The following ICAM1 variants were observed in gnomAD, a reference collection of about 807,000 sequenced individuals.
ICAM1 encodes ICAM-1.
In ICAM1, 28 loss-of-function variants were observed where a neutral mutation model predicts 42.3. The observed-to-expected ratio is 0.66, with a 90% CI of 0.49 to 0.91. ICAM1 has a LOEUF of 0.91. Among genes scored for constraint, ICAM1 ranks in the 40% least tolerant of loss-of-function variants. The pLI is 0.00. For synonymous variants in ICAM1, 304 were observed against 305.9 expected, an observed-to-expected ratio of 0.99 and a Z score of 0.07; for missense variants, 637 against 688.6, an observed-to-expected ratio of 0.93 and a Z score of 0.84.
At position 10,275,021 on chromosome 19, in the gene ICAM1, C is replaced by A. The variant is rs749879920; in HGVS notation, c.324C>A (p.Thr108=). The A allele has an allele frequency of 3.1e-6, 5 of 1,613,514 alleles. No homozygotes were observed. The highest frequency in any genetic ancestry group is 4.2e-6 in the Non-Finnish European group (5 of 1,179,994). ...AGTCAACAGCTAAAACCTTCCTCACCGTGTACTGTGAGTAACTGAGCCCGG... is the reference window on the plus strand; with the variant it reads ...AGTCAACAGCTAAAACCTTCCTCACAGTGTACTGTGAGTAACTGAGCCCGG... The part of the protein sequence containing the change: ...DGQSTAKTFL[T]VYWTPERVEL... The change falls in exon 2 of 7, where the codon ACC becomes ACA. Residue 108 remains threonine, a synonymous_variant. Transcript: ENST00000264832.
chr19:10,278,283 CTGCATTTACTT>C (rs1318593945), intron 2 of ICAM1, among the ~76,000 whole-genome samples: 1 of 152,182 alleles, frequency 6.6e-6, no homozygotes, highest in African/African-American at 2.4e-5. Flanking sequence ...GACATGACTT[CTGCATTTACTT>C]TGCAATCAGG....
At position 10,283,746 on chromosome 19, in the gene ICAM1, G is replaced by A. The variant is rs772198909; in HGVS notation, c.597G>A (p.Leu199=). The A allele has an allele frequency of 6.8e-6, 11 of 1,612,358 alleles. No individual in the cohort carries two copies. Among genetic ancestry groups the A allele is most frequent in the African/African-American group, 1.3e-5 (1 of 74,876 alleles). The stretch of plus-strand genomic sequence containing the variant: ...ACCTGCGGCCCCAAGGGCTGGAGCT[G>A]TTTGAGAACACCTCGGCCCCCTACC... ...ELDLRPQGLE[L]FENTSAPYQL... The change falls in exon 3 of 7, where the codon CTG becomes CTA. Residue 199 remains leucine, a synonymous_variant. Coordinates refer to ENST00000264832, the MANE Select transcript of ICAM1 (RefSeq NM_000201.3).
At chr19:10,283,369 C>T (rs564338840) in intron 2 of ICAM1, 112 bp from the exon 3 acceptor site, 63 of 1,015,376 alleles carry the variant, frequency 6.2e-5, no homozygotes, top group South Asian at 5.2e-4. Context: ...GGTGTCTGGG[C>T]GTGTTTGGGG....
At chr19:10,283,935 C>T in intron 3 of ICAM1, 98 bp from the exon 4 acceptor site, 1 of 1,479,530 alleles carries the variant, frequency 6.8e-7, no homozygotes, top group African/African-American at 1.4e-5. Flanking sequence ...TGCTGAGTGG[C>T]CCTGGAAGAG....
At chr19:10,273,941 G>A (rs549206286) in intron 1 of ICAM1, among the ~76,000 whole-genome samples, 77 of 151,996 alleles carry the variant, frequency 5.1e-4, no homozygotes, top group Non-Finnish European at 8.2e-4. Flanking sequence ...TTGAACCCGG[G>A]AGGCAAAGGT....
chr19:10,283,997 C>A, intron 3 of ICAM1, 36 bp from the exon 4 acceptor site: 1 of 1,592,084 alleles, frequency 6.3e-7, no homozygotes, highest in South Asian at 1.1e-5. Flanking sequence ...TCGGGACGTC[C>A]ATCCCTGTCT....
rs142396903 is a variant in ICAM1 at position 10,285,975 on chromosome 19, T to C, written c.*688T>C. On this transcript the variant is annotated 3_prime_UTR_variant, in exon 7 of 7. Coordinates refer to ENST00000264832, the MANE Select transcript of ICAM1 (RefSeq NM_000201.3). Reference sequence around the variant, plus strand: ...GATCAAATGGGGCTGGGACTTCTCATTGGCCAACCTGCCTTTCCCCAGAAG... The same window carrying C: ...GATCAAATGGGGCTGGGACTTCTCACTGGCCAACCTGCCTTTCCCCAGAAG... 1,117 of 152,582 alleles carry C rather than the reference T, an allele frequency of 7.3e-3. 6 individuals carry two copies. Among genetic ancestry groups the C allele is most frequent in the Non-Finnish European group, 0.01 (709 of 68,146 alleles). 9.5% of individuals were successfully genotyped at this position (152,582 alleles called of 1,614,324 possible). A position where few individuals can be genotyped will look rare whatever the true frequency, so the allele number is the denominator to read the frequency against.
intron 2 of ICAM1, among the ~76,000 whole-genome samples, chr19:10,281,445 A>G (rs547047431): frequency 2.2e-4 from 33 of 152,178 alleles, no homozygotes; most frequent in African/African-American, 7.7e-4. Context: ...GATACGATTT[A>G]GAATACCATA....
chr19:10,281,134 A>C (rs2040054625), intron 2 of ICAM1, among the ~76,000 whole-genome samples: 1 of 151,678 alleles, frequency 6.6e-6, no homozygotes, highest in South Asian at 2.1e-4. Context: ...TGGCCTCCCA[A>C]AGTGCTGGGA....
chr19:10,279,666 G>A (rs899212855), intron 2 of ICAM1, among the ~76,000 whole-genome samples: 5 of 151,864 alleles, frequency 3.3e-5, no homozygotes, highest in African/African-American at 7.3e-5. Flanking sequence ...TGTATTTTTA[G>A]TAGAGATAGG....
chr19:10,275,317 C>G (rs1477829786), intron 2 of ICAM1, among the ~76,000 whole-genome samples: 3 of 152,044 alleles, frequency 2.0e-5, no homozygotes, highest in Non-Finnish European at 4.4e-5. Context: ...GCCAACATGG[C>G]GAAACCCTGT....
chr19:10,275,881 T>C (rs2040012843), intron 2 of ICAM1, among the ~76,000 whole-genome samples: 1 of 151,598 alleles, frequency 6.6e-6, no homozygotes, highest in African/African-American at 2.4e-5. Flanking sequence ...CTCATTTTTT[T>C]GTATTTTTAG....
chr19:10,275,323 C>G (rs2040008917), intron 2 of ICAM1, among the ~76,000 whole-genome samples: 2 of 152,078 alleles, frequency 1.3e-5, no homozygotes, highest in East Asian at 1.9e-4. Context: ...ATGGCGAAAC[C>G]CTGTCTCTGC....
chr19:10,283,733 A>G lies in ICAM1; in HGVS notation c.584A>G (p.Gln195Arg). 1 of 1,613,456 alleles carries G rather than the reference A, an allele frequency of 6.2e-7. No homozygotes were observed. The highest frequency in any genetic ancestry group is 8.5e-7 in the Non-Finnish European group (1 of 1,179,748). Residue 195 changes from glutamine (Q) to arginine (R), a missense_variant, in exon 3 of 7, where the codon CAA becomes CGA. Gln to Arg is a conservative substitution (Grantham distance 43). Coordinates refer to ENST00000264832, the MANE Select transcript of ICAM1 (RefSeq NM_000201.3). ...CGCACTGAACTGGACCTGCGGCCCC[A>G]AGGGCTGGAGCTGTTTGAGAACACC... The part of the protein sequence containing the change: ...SCRTELDLRP[Q>R]GLELFENTSA...
chr19:10,280,235 G>T (rs2145495171), intron 2 of ICAM1, among the ~76,000 whole-genome samples: 1 of 152,348 alleles, frequency 6.6e-6, no homozygotes, highest in East Asian at 1.9e-4. Context: ...TCCTCTAGGG[G>T]CTGAGGTTTG....
chr19:10,273,219 G>C (rs186877564), intron 1 of ICAM1, among the ~76,000 whole-genome samples: 1 of 152,054 alleles, frequency 6.6e-6, no homozygotes, highest in Admixed American at 6.6e-5. Flanking sequence ...AGGGCCAGGC[G>C]CGGTGGCTCA....
At chr19:10,272,278 C>G (rs1430046348) in intron 1 of ICAM1, among the ~76,000 whole-genome samples, 1 of 152,170 alleles carries the variant, frequency 6.6e-6, no homozygotes, top group Non-Finnish European at 1.5e-5. Context: ...TAGCGAGATT[C>G]TGTCTCAAAA....
In ICAM1 at chr19:10,276,272, G is replaced by A. The variant is rs373859340; in HGVS notation, c.331+1244G>A. Among the ~76,000 whole-genome samples the A allele has an allele frequency of 7.3e-5, 11 of 151,566 alleles. No individual in the cohort carries two copies. In the South Asian group the frequency reaches 1.5e-3, roughly 20 times the overall value. On this transcript the variant is annotated intron_variant, in intron 2 of 6. Transcript: ENST00000264832. ...CAAACAAAAGAATTGATGGCCGGGC[G>A]CAGTGGCTCACGCCTGTAATCCCAG...
chr19:10,274,922 C>A lies in ICAM1; in HGVS notation c.225C>A (p.Asn75Lys). The A allele has an allele frequency of 6.2e-7, 1 of 1,614,218 alleles. No individual in the cohort carries two copies. The highest frequency in any genetic ancestry group is 8.5e-7 in the Non-Finnish European group (1 of 1,180,044). ...PKKELLLPGNNRKVYELSNVQ... is the reference protein window; with the variant it reads ...PKKELLLPGNKRKVYELSNVQ... ...AGGAGTTGCTCCTGCCTGGGAACAA[C>A]CGGAAGGTGTATGAACTGAGCAATG... Residue 75 changes from asparagine (N) to lysine (K), a missense_variant, in exon 2 of 7, where the codon AAC (asparagine) becomes AAA (lysine). Transcript: ENST00000264832.
Sources: allele counts gnomAD v4.1 joint callset (sites outside exome capture counted in the v4.1 genomes callset), GRCh38; gene constraint gnomAD v4.1.1; transcripts MANE v1.5; gene names NCBI Gene and HGNC (gene_info 2026-07-23, HGNC 2026-07-21).